Variants in BCL6 observed in about 807,000 individuals in gnomAD.
BCL6 encodes the protein B-cell lymphoma 6 protein.
A neutral mutation model predicts 59.5 loss-of-function variants in BCL6; 7 were observed. That is an observed-to-expected ratio of 0.12 (90% CI 0.07 to 0.22). BCL6 has a LOEUF of 0.22. Among genes scored for constraint, BCL6 ranks in the 10% least tolerant of loss-of-function variants. The pLI is 1.00. For synonymous variants in BCL6, 339 were observed against 349.7 expected (o/e 0.97, Z 0.34); for missense variants, 685 against 939.4 (o/e 0.73, Z 3.54).
Position 187,724,428 on chromosome 3 carries a change from G to A in BCL6, c.1977+513C>T, listed in dbSNP as rs139472579. On this transcript the variant is annotated intron_variant, in intron 9 of 9. Coordinates refer to ENST00000406870, the MANE Select transcript of BCL6 (RefSeq NM_001706.5). ...ACAGTGTCGTGCTGCATGGCTGGCC[G>A]CCTCCTCTTTCTTAAAATGACCTTC... is the stretch of plus-strand genomic sequence containing the variant. 292 of 155,208 alleles carry A rather than the reference G, an allele frequency of 1.9e-3. 1 individual carries two copies. Among genetic ancestry groups the A allele is most frequent in the African/African-American group, 6.1e-3 (255 of 41,536 alleles). The allele number at this position is 155,208 out of a possible 1,614,324, so 9.6% of individuals were successfully genotyped here.
At chr3:187,744,580 A>G (rs2108483854) in intron 1 of BCL6, among the ~76,000 whole-genome samples, 2 of 152,248 alleles carry the variant, frequency 1.3e-5, no homozygotes, top group East Asian at 1.9e-4. Context: ...ATGACCAAAA[A>G]AACAAAAACA....
At chr3:187,741,358 G>C (rs1711586446) in intron 1 of BCL6, among the ~76,000 whole-genome samples, 1 of 152,128 alleles carries the variant, frequency 6.6e-6, no homozygotes, top group South Asian at 2.1e-4. Context: ...GCACTCGACA[G>C]TATTGGCAGA....
chr3:187,733,381 A>G (rs1218469846), intron 3 of BCL6, 152 bp downstream of exon 3: 2 of 826,668 alleles, frequency 2.4e-6, no homozygotes, highest in Non-Finnish European at 3.8e-6. Flanking sequence ...TTCACTTGGG[A>G]GCCTACTGTG....
chr3:187,740,702 G>A (rs1294116170), intron 1 of BCL6, among the ~76,000 whole-genome samples: 1 of 152,196 alleles, frequency 6.6e-6, no homozygotes, highest in Non-Finnish European at 1.5e-5. Flanking sequence ...GCAAAACAGA[G>A]TTGTACGTCC....
chr3:187,741,891 C>T (rs537711532), intron 1 of BCL6, among the ~76,000 whole-genome samples: 8 of 152,246 alleles, frequency 5.3e-5, no homozygotes, highest in African/African-American at 2.4e-5. Context: ...AATTAAGATG[C>T]CCTGAGAAGT....
chr3:187,743,279 C>G (rs1255088481), intron 1 of BCL6, among the ~76,000 whole-genome samples: 2 of 146,908 alleles, frequency 1.4e-5, no homozygotes, highest in African/African-American at 5.0e-5. Context: ...CTCCTGGAAA[C>G]TATAAACTGA....
At chr3:187,744,446 A>C in intron 1 of BCL6, among the ~76,000 whole-genome samples, 1 of 152,244 alleles carries the variant, frequency 6.6e-6, no homozygotes, top group Non-Finnish European at 1.5e-5. Context: ...AAAGTGTTCA[A>C]CATCCCCGCC....
intron 1 of BCL6, among the ~76,000 whole-genome samples, chr3:187,742,294 G>A (rs1711635372): frequency 6.6e-6 from 1 of 152,132 alleles, no homozygotes; most frequent in Non-Finnish European, 1.5e-5. Context: ...GGGAAGGAAG[G>A]GTTTTGACAT....
At chr3:187,744,885 G>T (rs1711835531) in intron 1 of BCL6, among the ~76,000 whole-genome samples, 1 of 152,258 alleles carries the variant, frequency 6.6e-6, no homozygotes, top group East Asian at 1.9e-4. Context: ...ATCACAAGCC[G>T]TACGCAAGCA....
chr3:187,740,990 G>A (rs1579827800), intron 1 of BCL6, among the ~76,000 whole-genome samples: 1 of 152,204 alleles, frequency 6.6e-6, no homozygotes, highest in Non-Finnish European at 1.5e-5. Flanking sequence ...GAGGTGGAAC[G>A]GCGAGCCCAC....
Position 187,734,852 on chromosome 3 carries a change from T to C in BCL6, c.-11+17A>G, listed in dbSNP as rs910215666. The C allele has an allele frequency of 6.5e-5, 10 of 152,692 alleles. No individual in the cohort carries two copies. Among genetic ancestry groups the C allele is most frequent in the African/African-American group, 2.4e-4 (10 of 41,462 alleles). The allele number at this position is 152,692 out of a possible 1,614,324, so 9.5% of individuals were successfully genotyped here. ...GTTTGTCCCAACATTTTAAAGCATATAATTTTATTTACTTACCCAATGCCT... is the reference window on the plus strand; with the variant it reads ...GTTTGTCCCAACATTTTAAAGCATACAATTTTATTTACTTACCCAATGCCT... On this transcript the variant is annotated intron_variant, in intron 2 of 9. Transcript: ENST00000406870.
chr3:187,738,479 T>C (rs1719393259), intron 1 of BCL6, among the ~76,000 whole-genome samples: 1 of 152,186 alleles, frequency 6.6e-6, no homozygotes, highest in African/African-American at 2.4e-5. Flanking sequence ...GATTTCCGAA[T>C]CCGATTTCCC....
chr3:187,728,530 G>A lies in BCL6; in HGVS notation c.1370C>T (p.Ser457Phe), dbSNP rs1718846910. ...GTGGCTCTCGCTGCTGCTGCGGGGA[G>A]AGCCCGTCATGGACCTATGGACAGG... ...NNIVNRSMTGSPRSSSESHSP... is the reference protein window; with the variant it reads ...NNIVNRSMTGFPRSSSESHSP... Residue 457 changes from serine to phenylalanine, a missense_variant, in exon 6 of 10, where the codon TCT (serine) becomes TTT (phenylalanine). By Grantham distance (155) the Ser-to-Phe change is radical. Coordinates refer to ENST00000406870, the MANE Select transcript of BCL6 (RefSeq NM_001706.5). 7 of 1,608,914 alleles carry A rather than the reference G, an allele frequency of 4.4e-6. No individual in the cohort carries two copies. The highest frequency in any genetic ancestry group is 2.2e-4 in the Middle Eastern group (1 of 4,450).
In BCL6 at chr3:187,731,769, G is replaced by A. The variant is rs1719056630; in HGVS notation, c.323C>T (p.Thr108Met). Reference sequence around the variant, plus strand: ...ATGCTCCATCTGCAGGTACATAGCCGTGGCCATCACAGCCATGATGTTGCC... The same window carrying A: ...ATGCTCCATCTGCAGGTACATAGCCATGGCCATCACAGCCATGATGTTGCC... ...REGNIMAVMA[T>M]AMYLQMEHVV... The change falls in exon 4 of 10, where the codon ACG becomes ATG. Residue 108 changes from threonine (T) to methionine (M), a missense_variant. By Grantham distance (81) the Thr-to-Met change is moderately conservative. Around this residue, in one of 7 missense-constraint regions of BCL6, gnomAD observed 102 missense variants for 176.6 expected, o/e 0.58. Transcript: ENST00000406870. 4 of 1,614,156 alleles carry A rather than the reference G, an allele frequency of 2.5e-6. No individual in the cohort carries two copies. Among genetic ancestry groups the A allele is most frequent in the Non-Finnish European group, 2.5e-6 (3 of 1,180,034 alleles).
chr3:187,730,847 C>A (rs140727772), intron 4 of BCL6, among the ~76,000 whole-genome samples: 2 of 152,264 alleles, frequency 1.3e-5, no homozygotes, highest in African/African-American at 4.8e-5. Context: ...GGAGCTAGAA[C>A]CCATAAGAAG....
At chr3:187,733,145 T>G (rs1375605503) in intron 3 of BCL6, among the ~76,000 whole-genome samples, 5 of 152,238 alleles carry the variant, frequency 3.3e-5, no homozygotes, top group African/African-American at 4.8e-5. Context: ...AATACATTTA[T>G]AGCATAAAAG....
At chr3:187,736,141 C>G (rs1231335445) in intron 1 of BCL6, 1 of 152,232 alleles carries the variant, frequency 6.6e-6, no homozygotes, top group Non-Finnish European at 1.5e-5. Flanking sequence ...ACCAAACACT[C>G]TGACATTTCT....
chr3:187,729,433 G>C lies in BCL6; in HGVS notation c.972C>G (p.Asn324Lys). 1 of 1,610,440 alleles carries C rather than the reference G, an allele frequency of 6.2e-7. No individual in the cohort carries two copies. ...TCTGTGGACTAACCAGACCCTTCCG[G>C]TTCAGGGGTGCATTGGGGGGCTCGA... Reference protein sequence around the residue: ...LHFEPPNAPLNRKGLVSPQSP... With the variant: ...LHFEPPNAPLKRKGLVSPQSP... The change falls in exon 5 of 10, where the codon AAC becomes AAG. Residue 324 changes from asparagine to lysine, a missense_variant. Asn to Lys is a moderately conservative substitution (Grantham distance 94, BLOSUM62 0). This residue lies in a region of BCL6 where 268 missense variants were observed against 263.8 expected (regional missense o/e 1.02). Transcript: ENST00000406870. The surrounding 1 kb of genome is among the most constrained non-coding windows in gnomAD (Gnocchi z 5.6).
intron 1 of BCL6, among the ~76,000 whole-genome samples, chr3:187,744,461 A>G (rs190166836): frequency 6.6e-6 from 1 of 152,250 alleles, no homozygotes; most frequent in Admixed American, 6.5e-5. Flanking sequence ...CCCGCCCCCA[A>G]GCTCCCCAAA....
Sources: gnomAD v4.1 joint callset for allele counts (sites outside exome capture counted in the v4.1 genomes callset) on GRCh38, gnomAD v4.1.1 for gene constraint, gnomAD v4.1.1 regional missense constraint, Gnocchi (gnomAD v3.1) non-coding constraint, MANE v1.5 for transcripts, NCBI Gene and HGNC (gene_info 2026-07-23, HGNC 2026-07-21) for gene names.